GDI2: variants seen among roughly 807,000 people sequenced by gnomAD.
The protein encoded by GDI2 is GDP dissociation inhibitor 2.
GDI2 carries 22 observed loss-of-function variants against 54.2 expected under a neutral mutation model. The ratio of observed to expected loss-of-function variants is 0.41; its 90% CI spans 0.29 to 0.58. GDI2 has a LOEUF of 0.58. Ranked by LOEUF, GDI2 falls within the 20% of genes least tolerant of loss-of-function variation. The pLI, the probability that GDI2 is intolerant of heterozygous loss-of-function variation, is 0.35. For missense variants in GDI2, 422 were observed against 546.0 expected (o/e 0.77, Z 2.26); for synonymous variants, 177 against 182.1 (o/e 0.97, Z 0.23).
intron 1 of GDI2, among the ~76,000 whole-genome samples, chr10:5,803,429 CA>C (rs200359994): frequency 4.0e-5 from 6 of 149,618 alleles, no homozygotes; most frequent in African/African-American, 7.4e-5. Context: ...ATCTCAATAA[CA>C]AAAAAAAAGT....
chr10:5,785,293 T>C lies in GDI2; in HGVS notation c.588-20A>G. ...AAGTAACTGGAAGAAAGGAAATGAGTATTAGGAAAGGGCTTTAGTTTTCAT... is the reference window on the plus strand; with the variant it reads ...AAGTAACTGGAAGAAAGGAAATGAGCATTAGGAAAGGGCTTTAGTTTTCAT... On this transcript the variant is annotated intron_variant, in intron 5 of 10. Transcript: ENST00000380191. The C allele has an allele frequency of 6.5e-7, 1 of 1,549,138 alleles. No individual in the cohort carries two copies. The highest frequency in any genetic ancestry group is 8.8e-7 in the Non-Finnish European group (1 of 1,130,686).
In GDI2 at chr10:5,766,329, G is replaced by T. The variant is rs374547929; in HGVS notation, c.1137-34C>A. 1,484 of 1,552,242 alleles carry T rather than the reference G, an allele frequency of 9.6e-4. 1 individual carries two copies. The highest frequency in any genetic ancestry group is 1.2e-3 in the Non-Finnish European group (1,320 of 1,123,574). ...AGAGAGAATTCAGTCAGGTGAGCTG[G>T]TCCCACACCTGACCATGGCTCTGCC... On this transcript the variant is annotated intron_variant, in intron 9 of 10. Transcript: ENST00000380191. This position sits in a 1 kb window ranked among gnomAD's most constrained non-coding sequence, Gnocchi z 5.8.
Position 5,794,892 on chromosome 10 carries a change from C to G in GDI2, c.381G>C (p.Leu127=), listed in dbSNP as rs775214251. 6.2e-7 allele frequency: 1 copy of G among 1,600,632 alleles called. No homozygotes were observed. Among genetic ancestry groups the G allele is most frequent in the Non-Finnish European group, 8.6e-7 (1 of 1,168,964 alleles). ...GAAAATAAAACTACTTACTAGATGC[C>G]AGGGCTTCTGCTTCAGTGGAAGGAA... is the stretch of plus-strand genomic sequence containing the variant. ...YKVPSTEAEA[L]ASSLMGLFEK... Residue 127 remains leucine (L), a synonymous_variant, in exon 4 of 11, where the codon CTG becomes CTC. Coordinates refer to ENST00000380191, the MANE Select transcript of GDI2 (RefSeq NM_001494.4).
At position 5,813,312 on chromosome 10, in the gene GDI2, G is replaced by A; in HGVS notation, c.-54C>T. On this transcript the variant is annotated 5_prime_UTR_variant, in exon 1 of 11. In the 5' UTR this introduces an upstream ATG that the reference lacks. Transcript: ENST00000380191. The stretch of plus-strand genomic sequence containing the variant: ...AGCAAGGAAAAGGCGCAGGGGCTCC[G>A]TGACCACCCTACGAGGCTGGGAGGC... 1 of 1,337,086 alleles carries A rather than the reference G, an allele frequency of 7.5e-7. No homozygotes were observed. The highest frequency in any genetic ancestry group is 1.0e-6 in the Non-Finnish European group (1 of 953,308). 82.8% of individuals were successfully genotyped at this position (1,337,086 alleles called of 1,614,324 possible).
chr10:5,797,785 T>C (rs145774748), intron 2 of GDI2, among the ~76,000 whole-genome samples: 11 of 152,254 alleles, frequency 7.2e-5, no homozygotes, highest in South Asian at 2.1e-4. Context: ...TGACACTGTA[T>C]AGTTCTCTAT....
At chr10:5,777,560 A>C (rs1002911080) in intron 6 of GDI2, among the ~76,000 whole-genome samples, 1 of 152,366 alleles carries the variant, frequency 6.6e-6, no homozygotes, top group Admixed American at 6.5e-5. Context: ...GAGAAATACA[A>C]ATCAAAACCA....
chr10:5,767,858 G>A (rs1338891909), intron 8 of GDI2, among the ~76,000 whole-genome samples: 1 of 152,174 alleles, frequency 6.6e-6, no homozygotes, highest in Admixed American at 6.5e-5. Flanking sequence ...TACAAATAAG[G>A]ACACAGAAGC....
rs988668471 is a variant in GDI2, at chr10:5,766,367, A to G, written c.1137-72T>C. The G allele has an allele frequency of 1.4e-6, 2 of 1,478,084 alleles. No individual in the cohort carries two copies. The highest frequency in any genetic ancestry group is 1.9e-6 in the Non-Finnish European group (2 of 1,055,852). 91.6% of individuals were successfully genotyped at this position (1,478,084 alleles called of 1,614,324 possible). Reference sequence around the variant, plus strand: ...CCATGGCTCTGCCTGAGGTCAACTGAGAGGTACAGATGAATCCCACAGAGC... The same window carrying G: ...CCATGGCTCTGCCTGAGGTCAACTGGGAGGTACAGATGAATCCCACAGAGC... On this transcript the variant is annotated intron_variant, in intron 9 of 10. Coordinates refer to ENST00000380191, the MANE Select transcript of GDI2 (RefSeq NM_001494.4). This position sits in a 1 kb window ranked among gnomAD's most constrained non-coding sequence, Gnocchi z 5.8.
intron 4 of GDI2, among the ~76,000 whole-genome samples, chr10:5,786,831 G>T (rs1317309422): frequency 6.6e-6 from 1 of 152,136 alleles, no homozygotes. Flanking sequence ...AGAACAAATT[G>T]ACCTCGATAA....
intron 1 of GDI2, among the ~76,000 whole-genome samples, chr10:5,803,365 A>C (rs923081526): frequency 2.0e-5 from 3 of 152,176 alleles, no homozygotes; most frequent in African/African-American, 7.2e-5. Context: ...GCAAAGGTGC[A>C]GTGAGCCGTG....
chr10:5,766,783 C>T lies in GDI2; in HGVS notation c.992-145G>A. The stretch of plus-strand genomic sequence containing the variant: ...TCTACACTTAAGTTCTAAATGGTGA[C>T]AGAGTTGGATGTAAAGTACACAGAT... On this transcript the variant is annotated intron_variant, in intron 8 of 10. Transcript: ENST00000380191. This position sits in a 1 kb window ranked among gnomAD's most constrained non-coding sequence, Gnocchi z 5.8. The T allele has an allele frequency of 1.6e-6, 1 of 624,932 alleles. No homozygotes were observed. The highest frequency in any genetic ancestry group is 2.8e-6 in the Non-Finnish European group (1 of 352,352). The allele number at this position is 624,932 out of a possible 1,614,324, so 38.7% of individuals were successfully genotyped here.
intron 5 of GDI2, 62 bp downstream of exon 5, chr10:5,785,790 A>G (rs2131698532): frequency 1.0e-6 from 1 of 993,882 alleles, no homozygotes; most frequent in African/African-American, 1.6e-5. Context: ...TCCACTTGGA[A>G]GACTTGGGAA....
chr10:5,812,901 G>A (rs1841507145), intron 1 of GDI2, among the ~76,000 whole-genome samples: 1 of 152,194 alleles, frequency 6.6e-6, no homozygotes, highest in Admixed American at 6.5e-5. Context: ...CTTGGCCCGG[G>A]CGGCCTTCTC....
At chr10:5,775,515 T>A (rs1358615866) in intron 6 of GDI2, among the ~76,000 whole-genome samples, 1 of 152,072 alleles carries the variant, frequency 6.6e-6, no homozygotes, top group East Asian at 1.9e-4. Flanking sequence ...GTGACAGAAT[T>A]TGGGGCGGCC....
At chr10:5,793,264 G>C (rs1841057931) in intron 4 of GDI2, among the ~76,000 whole-genome samples, 1 of 152,064 alleles carries the variant, frequency 6.6e-6, no homozygotes, top group South Asian at 2.1e-4. Flanking sequence ...CAAAGCAATG[G>C]GATCACAAGC....
intron 1 of GDI2, among the ~76,000 whole-genome samples, chr10:5,811,433 G>A (rs1841477877): frequency 6.6e-6 from 1 of 152,198 alleles, no homozygotes; most frequent in South Asian, 2.1e-4. Context: ...GATACAAAGT[G>A]ATGTGAACGA....
intron 1 of GDI2, among the ~76,000 whole-genome samples, chr10:5,806,722 A>G (rs1841387574): frequency 6.6e-6 from 1 of 152,202 alleles, no homozygotes; most frequent in South Asian, 2.1e-4. Flanking sequence ...GGAAGAAAAC[A>G]ACCTAAAGCA....
intron 1 of GDI2, among the ~76,000 whole-genome samples, chr10:5,803,608 TAA>T (rs1431727738): frequency 1.3e-5 from 2 of 152,158 alleles, no homozygotes; most frequent in Non-Finnish European, 2.9e-5. Context: ...ATCCTGAGAC[TAA>T]AAAGTTTGAA....
At chr10:5,773,659 TGAC>T (rs1840548997) in intron 7 of GDI2, among the ~76,000 whole-genome samples, 180 bp downstream of exon 7, 1 of 151,702 alleles carries the variant, frequency 6.6e-6, no homozygotes, top group African/African-American at 2.4e-5. Flanking sequence ...AATCAACAAC[TGAC>T]AACAAAAAAG....
Sources: gnomAD v4.1 joint callset for allele counts (sites outside exome capture counted in the v4.1 genomes callset) on GRCh38, gnomAD v4.1.1 for gene constraint, Gnocchi (gnomAD v3.1) non-coding constraint, MANE v1.5 for transcripts, NCBI Gene and HGNC (gene_info 2026-07-23, HGNC 2026-07-21) for gene names.